EDNRB: variants seen among roughly 807,000 people sequenced by gnomAD.
EDNRB encodes the protein endothelin receptor type B, also known as Hirschsprung disease 2.
In EDNRB, 18 loss-of-function variants were observed where a neutral mutation model predicts 46.4. The ratio of observed to expected loss-of-function variants is 0.39; its 90% confidence interval spans 0.27 to 0.57. The LOEUF (loss-of-function observed/expected upper bound fraction) is 0.57. Among genes scored for constraint, EDNRB ranks in the 20% least tolerant of loss-of-function variants. The pLI is 0.61. For synonymous variants in EDNRB, 213 were observed against 204.9 expected (o/e 1.04, Z -0.34); for missense variants, 434 against 537.5 (o/e 0.81, Z 1.90).
chr13:77,969,251 A>T (rs1537065), intron 1 of EDNRB, among the ~76,000 whole-genome samples: 1 of 152,012 alleles, frequency 6.6e-6, no homozygotes, highest in Non-Finnish European at 1.5e-5. Flanking sequence ...TTCATTTTAA[A>T]AGTTAATTCT....
At chr13:77,947,922 G>T (rs1380206172) in intron 1 of EDNRB, 1 of 151,650 alleles carries the variant, frequency 6.6e-6, no homozygotes, top group Admixed American at 6.6e-5. Flanking sequence ...TGTGCTCTAT[G>T]AAACTTTCTA....
At chr13:77,900,743 CAA>C in intron 4 of EDNRB, 89 bp from the exon 5 acceptor site, 1 of 1,571,266 alleles carries the variant, frequency 6.4e-7, no homozygotes, top group Non-Finnish European at 8.7e-7. Context: ...ATATTGTCTA[CAA>C]AAAGTCAGTG....
At chr13:77,920,780 T>A (rs1456361013), upstream of EDNRB, among the ~76,000 whole-genome samples, 1 of 152,242 alleles carries the variant, frequency 6.6e-6, no homozygotes, top group African/African-American at 2.4e-5. Flanking sequence ...ATTCAATTGC[T>A]GAGCCAAGTA....
At chr13:77,973,435 T>A (rs974243776) in intron 1 of EDNRB, among the ~76,000 whole-genome samples, 1 of 152,028 alleles carries the variant, frequency 6.6e-6, no homozygotes, top group Admixed American at 6.5e-5. Flanking sequence ...AAGAGCAGGT[T>A]GGTACTTCAA....
chr13:77,952,395 G>A (rs1881117352), intron 1 of EDNRB, among the ~76,000 whole-genome samples: 1 of 152,070 alleles, frequency 6.6e-6, no homozygotes, highest in Admixed American at 6.6e-5. Context: ...TGGGATATGT[G>A]GACACTCCTA....
intron 1 of EDNRB, among the ~76,000 whole-genome samples, chr13:77,931,681 T>G (rs1451993551): frequency 6.7e-6 from 1 of 148,976 alleles, no homozygotes; most frequent in African/African-American, 2.5e-5. Context: ...AGTTCCTTCT[T>G]CCAGCCTTTT....
intron 1 of EDNRB, among the ~76,000 whole-genome samples, chr13:77,965,590 A>C (rs1316695777): frequency 6.6e-6 from 1 of 152,194 alleles, no homozygotes; most frequent in Non-Finnish European, 1.5e-5. Flanking sequence ...CCAGAAACTT[A>C]AGTAACAATC....
Position 77,918,223 on chromosome 13 carries a change from G to T in EDNRB, c.351C>A (p.Ile117=), listed in dbSNP as rs1879911658. The T allele has an allele frequency of 1.9e-6, 3 of 1,614,042 alleles. No individual in the cohort carries two copies. The highest frequency in any genetic ancestry group is 1.3e-5 in the African/African-American group (1 of 74,994). Residue 117 remains isoleucine, a synonymous_variant, in exon 1 of 7, where the codon ATC becomes ATA. Coordinates refer to ENST00000646607, the MANE Select transcript of EDNRB (RefSeq NM_001122659.3). The surrounding 1 kb of genome is among the most constrained non-coding windows in gnomAD (Gnocchi z 4.5). ...TAATTCTCAGAAGTGTGGAGTTCCC[G>T]ATGATCCCCAGCACGAACACAAGGC... The part of the protein sequence containing the change: ...VSCLVFVLGI[I]GNSTLLRIIY...
intron 1 of EDNRB, among the ~76,000 whole-genome samples, chr13:77,968,277 T>A (rs933760346): frequency 6.6e-6 from 1 of 152,144 alleles, no homozygotes; most frequent in African/African-American, 2.4e-5. Context: ...GAGGAAGAGA[T>A]GCTATTTTCT....
At chr13:77,962,060 C>A (rs1434764981) in intron 1 of EDNRB, among the ~76,000 whole-genome samples, 3 of 152,186 alleles carry the variant, frequency 2.0e-5, no homozygotes, top group Non-Finnish European at 2.9e-5. Context: ...GACACGTACA[C>A]CCTCCTAAGA....
At chr13:77,957,572 C>A (rs576684553) in intron 1 of EDNRB, among the ~76,000 whole-genome samples, 3 of 152,130 alleles carry the variant, frequency 2.0e-5, no homozygotes, top group African/African-American at 7.2e-5. Context: ...AACAATAATA[C>A]CTATCCTAGA....
intron 1 of EDNRB, among the ~76,000 whole-genome samples, chr13:77,969,680 C>T (rs753239089): frequency 1.3e-5 from 2 of 152,144 alleles, no homozygotes; most frequent in Non-Finnish European, 2.9e-5. Flanking sequence ...AAACATTACC[C>T]GCCTGCACCA....
chr13:77,966,400 C>G (rs990242674), intron 1 of EDNRB, among the ~76,000 whole-genome samples: 1 of 152,176 alleles, frequency 6.6e-6, no homozygotes, highest in African/African-American at 2.4e-5. Context: ...CTTCCTCCCC[C>G]ACTACTTCTT....
chr13:77,937,108 G>A (rs921260592), intron 1 of EDNRB, among the ~76,000 whole-genome samples: 11 of 152,192 alleles, frequency 7.2e-5, no homozygotes, highest in Non-Finnish European at 1.6e-4. Flanking sequence ...TCTGGGTCTA[G>A]GGCGGTAAAG....
At chr13:77,905,340 T>A (rs1363203611) in intron 1 of EDNRB, among the ~76,000 whole-genome samples, 1 of 151,996 alleles carries the variant, frequency 6.6e-6, no homozygotes, top group Non-Finnish European at 1.5e-5. Flanking sequence ...TCACAATTTA[T>A]TAAAGTCCAA....
chr13:77,973,373 AC>A (rs754268095), intron 1 of EDNRB, among the ~76,000 whole-genome samples: 13 of 152,292 alleles, frequency 8.5e-5, no homozygotes, highest in Non-Finnish European at 1.8e-4. Context: ...TTAATATTTG[AC>A]TATAAGGTAA....
At chr13:77,930,715 G>T (rs1054196300) in intron 1 of EDNRB, among the ~76,000 whole-genome samples, 17 of 152,178 alleles carry the variant, frequency 1.1e-4, no homozygotes, top group Non-Finnish European at 2.4e-4. Flanking sequence ...CAAGCTATTT[G>T]TAAAGCTCAG....
intron 1 of EDNRB, among the ~76,000 whole-genome samples, chr13:77,945,110 G>A (rs955411890): frequency 6.6e-6 from 1 of 152,094 alleles, no homozygotes; most frequent in Non-Finnish European, 1.5e-5. Flanking sequence ...AGGTGGCAGC[G>A]GTACTAGTGT....
At chr13:77,909,589 C>T (rs986103255) in intron 1 of EDNRB, among the ~76,000 whole-genome samples, 1 of 151,988 alleles carries the variant, frequency 6.6e-6, no homozygotes, top group South Asian at 2.1e-4. Context: ...TTTTCTTTTT[C>T]TACTTTATTA....
Sources: gnomAD v4.1 joint callset for allele counts (sites outside exome capture counted in the v4.1 genomes callset) on GRCh38, gnomAD v4.1.1 for gene constraint, Gnocchi (gnomAD v3.1) non-coding constraint, MANE v1.5 for transcripts, NCBI Gene and HGNC (gene_info 2026-07-23, HGNC 2026-07-21) for gene names.